NYAP2: variants seen among roughly 807,000 people sequenced by gnomAD.
The protein encoded by NYAP2 is neuronal tyrosine-phosphorylated phosphoinositide-3-kinase adapter 2.
NYAP2 carries 23 observed loss-of-function variants against 50.4 expected under a neutral mutation model. That is an observed-to-expected ratio of 0.46 (90% CI 0.33 to 0.65). The LOEUF (loss-of-function observed/expected upper bound fraction) is 0.65, where lower values mean the gene tolerates loss of function less well. Among genes scored for constraint, NYAP2 ranks in the 30% least tolerant of loss-of-function variants. The pLI, the probability that NYAP2 is intolerant of heterozygous loss-of-function variation, is 0.02. For synonymous variants in NYAP2, 394 were observed against 365.2 expected (o/e 1.08, Z -0.90); for missense variants, 885 against 861.0 (o/e 1.03, Z -0.35).
At chr2:225,458,201 C>T (rs897273626) in intron 3 of NYAP2, among the ~76,000 whole-genome samples, 2 of 151,950 alleles carry the variant, frequency 1.3e-5, no homozygotes, top group South Asian at 2.1e-4. Flanking sequence ...TGTTATTGTA[C>T]TCTGCGTACT....
At chr2:225,412,706 G>A (rs74751388) in intron 3 of NYAP2, among the ~76,000 whole-genome samples, 5,376 of 152,222 alleles carry the variant, frequency 0.035, 163 homozygotes, top group South Asian at 0.092. Context: ...TTCTCCAAAA[G>A]TTTCTGTACA....
chr2:225,671,734 T>C, the NYAP2 span, among the ~76,000 whole-genome samples: 1 of 152,134 alleles, frequency 6.6e-6, no homozygotes, highest in Non-Finnish European at 1.5e-5. Flanking sequence ...CCTTATGAAA[T>C]AGATTTCTTA....
chr2:225,422,614 G>A (rs768743419), intron 3 of NYAP2, among the ~76,000 whole-genome samples: 10 of 152,056 alleles, frequency 6.6e-5, no homozygotes, highest in Admixed American at 4.6e-4. Context: ...AGACTGGCAG[G>A]GAGTAATTCA....
chr2:225,609,798 G>A (rs1487814424), intron 5 of NYAP2, among the ~76,000 whole-genome samples: 3 of 152,090 alleles, frequency 2.0e-5, no homozygotes, highest in Non-Finnish European at 4.4e-5. Context: ...CATAATATTC[G>A]AGATTTGGAA....
At chr2:225,691,824 G>C in the NYAP2 span, among the ~76,000 whole-genome samples, 1 of 152,042 alleles carries the variant, frequency 6.6e-6, no homozygotes, top group African/African-American at 2.4e-5. Flanking sequence ...TTCCCTTAAA[G>C]GGAAAATCCA....
intron 4 of NYAP2, among the ~76,000 whole-genome samples, chr2:225,556,558 A>C (rs902150465): frequency 1.3e-5 from 2 of 152,166 alleles, no homozygotes. Flanking sequence ...CACCTGGATG[A>C]AGCAAAAGAG....
rs1257652876 is a variant in NYAP2 at position 225,649,187 on chromosome 2, A to G, written c.1829-2245A>G. 3.9e-5 allele frequency among the ~76,000 whole-genome samples: 6 copies of G among 152,194 alleles called. No homozygotes were observed. The East Asian group carries it at 1.2e-3, about 29-fold the overall frequency. On this transcript the variant is annotated intron_variant, in intron 6 of 6. Transcript: ENST00000636099. ...TCTGGTGTTTTTCTATGAATTTTGCATGTAATTCAGTTTATCTGTTTACTT... is the reference window on the plus strand; with the variant it reads ...TCTGGTGTTTTTCTATGAATTTTGCGTGTAATTCAGTTTATCTGTTTACTT...
At chr2:225,597,606 T>C (rs1692628050) in intron 5 of NYAP2, among the ~76,000 whole-genome samples, 1 of 146,562 alleles carries the variant, frequency 6.8e-6, no homozygotes. Context: ...TTGTGAATTG[T>C]GCTGCTATAA....
chr2:225,507,072 CT>C (rs1690720413), intron 3 of NYAP2, among the ~76,000 whole-genome samples: 1 of 152,156 alleles, frequency 6.6e-6, no homozygotes, highest in East Asian at 1.9e-4. Flanking sequence ...CTAGGCAACC[CT>C]TCAGTTTGTA....
the NYAP2 span, among the ~76,000 whole-genome samples, chr2:225,660,247 T>C: frequency 2.2e-4 from 34 of 152,128 alleles, no homozygotes; most frequent in African/African-American, 8.0e-4. Flanking sequence ...GTAGGTCTCA[T>C]ATGTGGGTTG....
chr2:225,450,882 A>AGG (rs1388030429), intron 3 of NYAP2, among the ~76,000 whole-genome samples: 1 of 152,124 alleles, frequency 6.6e-6, no homozygotes, highest in Non-Finnish European at 1.5e-5. Flanking sequence ...TCTCACACCA[A>AGG]TCACTATGGC....
chr2:225,641,743 C>T (rs1351536700), intron 6 of NYAP2, among the ~76,000 whole-genome samples: 3 of 151,900 alleles, frequency 2.0e-5, no homozygotes, highest in Admixed American at 6.6e-5. Flanking sequence ...AACCAGGACC[C>T]GGGAGGCAGA....
chr2:225,675,371 C>T, the NYAP2 span, among the ~76,000 whole-genome samples: 16 of 152,134 alleles, frequency 1.1e-4, no homozygotes, highest in South Asian at 4.2e-4. Context: ...TGTTTAGCTC[C>T]GACTTATAAG....
chr2:225,642,552 A>G (rs1263001302), intron 6 of NYAP2, among the ~76,000 whole-genome samples: 3 of 152,160 alleles, frequency 2.0e-5, no homozygotes, highest in African/African-American at 4.8e-5. Flanking sequence ...GTGAAAAGGT[A>G]TAGCTCTTTC....
At chr2:225,542,043 A>G (rs1180873030) in intron 4 of NYAP2, among the ~76,000 whole-genome samples, 1 of 152,074 alleles carries the variant, frequency 6.6e-6, no homozygotes, top group African/African-American at 2.4e-5. Flanking sequence ...TGTAGCTATT[A>G]TAAATAGGAT....
At chr2:225,433,641 T>C (rs1689311832) in intron 3 of NYAP2, among the ~76,000 whole-genome samples, 1 of 151,682 alleles carries the variant, frequency 6.6e-6, no homozygotes, top group African/African-American at 2.4e-5. Flanking sequence ...TATTTTTAAA[T>C]AGTCCTGAGT....
chr2:225,449,601 CTTTTTTTTTTTTT>C lies in NYAP2; in HGVS notation c.221+40513_221+40525del, dbSNP rs201552006. Among the ~76,000 whole-genome samples the C allele has an allele frequency of 8.3e-5, 8 of 96,312 alleles. No individual in the cohort carries two copies. The East Asian group carries it at 2.4e-3, about 29-fold the overall frequency. The allele number at this position is 96,312 out of a possible 152,430, so 63.2% of individuals were successfully genotyped here. On this transcript the variant is annotated intron_variant, in intron 3 of 6. Coordinates refer to ENST00000636099, the Ensembl canonical transcript of NYAP2. ...ACCAGATCTCTCTCTCTCTCTTTCT[CTTTTTTTTTTTTT>C]TTTTTTTTTTTTGAGACAGAGTCTA...
chr2:225,571,750 C>T (rs1032193111), intron 4 of NYAP2, among the ~76,000 whole-genome samples: 2 of 152,196 alleles, frequency 1.3e-5, no homozygotes, highest in Admixed American at 1.3e-4. Context: ...ACATTTTCCC[C>T]ATTATCTTGG....
intron 5 of NYAP2, among the ~76,000 whole-genome samples, chr2:225,610,096 C>T (rs138354858): frequency 1.6e-4 from 24 of 152,158 alleles, no homozygotes; most frequent in Admixed American, 3.3e-4. Flanking sequence ...TTCTTCCTAC[C>T]CCAAATGAAA....
Sources: gnomAD v4.1 joint callset for allele counts (sites outside exome capture counted in the v4.1 genomes callset) on GRCh38, gnomAD v4.1.1 for gene constraint, MANE v1.5 for transcripts, NCBI Gene and HGNC (gene_info 2026-07-23, HGNC 2026-07-21) for gene names.